Variants in HEXB observed in about 807,000 individuals in gnomAD.
HEXB encodes the protein hexosaminidase subunit beta, also known as beta-hexosaminidase subunit beta.
In HEXB, 51 loss-of-function variants were observed where a neutral mutation model predicts 71.2. That is an observed-to-expected ratio of 0.72 (90% CI 0.57 to 0.90). The LOEUF (loss-of-function observed/expected upper bound fraction) is 0.90. Ranked by LOEUF, HEXB falls within the 40% of genes least tolerant of loss-of-function variation. HEXB has a pLI of 0.00. For missense variants in HEXB, 617 were observed against 677.0 expected (o/e 0.91, Z 0.98); for synonymous variants, 266 against 249.3 (o/e 1.07, Z -0.63).
intron 1 of HEXB, among the ~76,000 whole-genome samples, chr5:74,667,858 G>A (rs541695977): frequency 6.6e-6 from 1 of 152,134 alleles, no homozygotes; most frequent in Non-Finnish European, 1.5e-5. Context: ...TCATCCCTAA[G>A]TGTGGATTCC....
At chr5:74,702,299 C>T (rs1446344837) in intron 5 of HEXB, among the ~76,000 whole-genome samples, 1 of 151,364 alleles carries the variant, frequency 6.6e-6, no homozygotes, top group Non-Finnish European at 1.5e-5. Flanking sequence ...GGGATGGTCT[C>T]GATCTCCTGA....
chr5:74,709,595 G>T (rs1434950317), intron 6 of HEXB, among the ~76,000 whole-genome samples: 1 of 152,100 alleles, frequency 6.6e-6, no homozygotes, highest in East Asian at 1.9e-4. Context: ...AATAAAAAAT[G>T]ATAAAGGGGA....
At chr5:74,712,601 T>C (rs11746757) in intron 6 of HEXB, among the ~76,000 whole-genome samples, 48,473 of 152,006 alleles carry the variant, frequency 0.32, 9,394 homozygotes, top group African/African-American at 0.54. Flanking sequence ...TCTACAGGTC[T>C]GCTCTTCCCA....
At chr5:74,716,016 C>CAAAAA (rs71600435) in intron 8 of HEXB, among the ~76,000 whole-genome samples, 3 of 64,856 alleles carry the variant, frequency 4.6e-5, no homozygotes, top group East Asian at 4.9e-4. Flanking sequence ...GACTCCATCT[C>CAAAAA]AAAAAAAAAA....
intron 1 of HEXB, 102 bp downstream of exon 1, chr5:74,685,661 A>G: frequency 9.2e-7 from 1 of 1,088,770 alleles, no homozygotes; most frequent in Non-Finnish European, 1.3e-6. Context: ...CGCAGACGAG[A>G]AACCGCCTGG....
chr5:74,714,376 A>G (rs932135281), intron 7 of HEXB, among the ~76,000 whole-genome samples: 4 of 152,258 alleles, frequency 2.6e-5, no homozygotes, highest in Non-Finnish European at 5.9e-5. Flanking sequence ...GTAGAACATG[A>G]TAAGTGAATT....
chr5:74,719,108 C>A, intron 11 of HEXB, 137 bp downstream of exon 11: 3 of 768,334 alleles, frequency 3.9e-6, no homozygotes, highest in Non-Finnish European at 6.9e-6. Context: ...ATATTACCTA[C>A]CAACTATCTT....
intron 1 of HEXB, among the ~76,000 whole-genome samples, chr5:74,650,758 A>C (rs747430635): frequency 7.0e-6 from 1 of 143,262 alleles, no homozygotes; most frequent in Non-Finnish European, 1.5e-5. Context: ...CATCTCTACT[A>C]AAAATACAAA....
chr5:74,679,825 A>AAAAAAAAAGG, intron 1 of HEXB, among the ~76,000 whole-genome samples: 1 of 119,194 alleles, frequency 8.4e-6, no homozygotes, highest in Non-Finnish European at 2.0e-5. Flanking sequence ...AAAAAAAAAA[A>AAAAAAAAAGG]GTATGGCTTT....
intron 1 of HEXB, among the ~76,000 whole-genome samples, chr5:74,664,443 A>AC (rs1748395663): frequency 6.6e-6 from 1 of 150,800 alleles, no homozygotes; most frequent in Admixed American, 6.6e-5. Context: ...AAAAAAAAAA[A>AC]AAAAAAAAAA....
rs3058406 is a variant in HEXB, at chr5:74,644,764, C to CTTTTTTTTTTTTTTTTT, written c.-377+4215_-377+4231dup. On this transcript the variant is annotated intron_variant, in intron 1 of 13. Transcript: ENST00000511181. ...GAGAGTATTCTTCCTCTTTTTTTTC[C>CTTTTTTTTTTTTTTTTT]TTTTTTTTTTTTTTTTTTTTTTTTT... Among the ~76,000 whole-genome samples the CTTTTTTTTTTTTTTTTT allele has an allele frequency of 1.6e-4, 12 of 72,950 alleles. 1 individual carries two copies. The highest frequency in any genetic ancestry group is 2.3e-4 in the Non-Finnish European group (10 of 42,946). 47.9% of individuals were successfully genotyped at this position (72,950 alleles called of 152,430 possible).
intron 2 of HEXB, chr5:74,693,370 G>T: frequency 1.9e-6 from 1 of 514,102 alleles, no homozygotes; most frequent in South Asian, 2.1e-5. Context: ...ACTGGATGGT[G>T]GTGCTGTGAC....
intron 1 of HEXB, among the ~76,000 whole-genome samples, chr5:74,688,241 A>C (rs1748915754): frequency 1.3e-5 from 1 of 79,862 alleles, no homozygotes; most frequent in African/African-American, 3.7e-5. Flanking sequence ...TTTGTATTTA[A>C]TATTAATATT....
chr5:74,687,214 AG>A (rs1561214701), intron 1 of HEXB, among the ~76,000 whole-genome samples: 1 of 152,224 alleles, frequency 6.6e-6, no homozygotes, highest in Non-Finnish European at 1.5e-5. Context: ...TGAGCATTCT[AG>A]GAACTCAGAA....
chr5:74,684,674 C>CTT (rs1191674612), upstream of HEXB, among the ~76,000 whole-genome samples: 276 of 133,856 alleles, frequency 2.1e-3, 6 homozygotes, highest in African/African-American at 7.4e-3. Context: ...TTTTTCTTTT[C>CTT]TTTTTTTTTT....
At chr5:74,665,645 A>G (rs915317341) in intron 1 of HEXB, among the ~76,000 whole-genome samples, 1 of 152,254 alleles carries the variant, frequency 6.6e-6, no homozygotes, top group African/African-American at 2.4e-5. Flanking sequence ...ATGAAATCAT[A>G]TCTTCAGAAA....
At chr5:74,718,436 G>C in intron 10 of HEXB, 73 bp downstream of exon 10, 1 of 1,141,170 alleles carries the variant, frequency 8.8e-7, no homozygotes, top group Non-Finnish European at 1.3e-6. Context: ...CTGGGAATTT[G>C]CAAGTCTAAC....
At chr5:74,712,058 T>G (rs1420117604) in intron 6 of HEXB, among the ~76,000 whole-genome samples, 6 of 144,306 alleles carry the variant, frequency 4.2e-5, no homozygotes, top group African/African-American at 1.6e-4. Context: ...TAGACTGGAT[T>G]AAGAAAATGT....
At chr5:74,655,412 A>G (rs1170318451) in intron 1 of HEXB, among the ~76,000 whole-genome samples, 1 of 148,150 alleles carries the variant, frequency 6.7e-6, no homozygotes, top group Non-Finnish European at 1.5e-5. Flanking sequence ...TACCAGATTC[A>G]TGTGATTCTT....
Sources: allele counts gnomAD v4.1 joint callset (sites outside exome capture counted in the v4.1 genomes callset), GRCh38; gene constraint gnomAD v4.1.1; transcripts MANE v1.5; gene names NCBI Gene and HGNC (gene_info 2026-07-23, HGNC 2026-07-21).